GNAQ: variants seen among roughly 807,000 people sequenced by gnomAD.
GNAQ encodes G protein subunit alpha q, also known as guanine nucleotide-binding protein G(q) subunit alpha.
A neutral mutation model predicts 43.9 loss-of-function variants in GNAQ; 8 were observed. That is an observed-to-expected ratio of 0.18 (90% CI 0.11 to 0.33). The LOEUF (loss-of-function observed/expected upper bound fraction) is 0.33, where lower values mean the gene tolerates loss of function less well. Ranked by LOEUF, GNAQ falls within the 10% of genes least tolerant of loss-of-function variation. The pLI is 1.00. For synonymous variants in GNAQ, 155 were observed against 170.7 expected, an observed-to-expected ratio of 0.91 and a Z score of 0.71; for missense variants, 158 against 450.8, an observed-to-expected ratio of 0.35 and a Z score of 5.88.
intron 1 of GNAQ, among the ~76,000 whole-genome samples, chr9:77,994,602 C>T (rs1344473234): frequency 1.3e-5 from 2 of 152,060 alleles, no homozygotes; most frequent in Non-Finnish European, 2.9e-5. Context: ...ACTTATGATC[C>T]ACCTCAATCA....
chr9:77,895,357 T>C (rs868695093), intron 2 of GNAQ, among the ~76,000 whole-genome samples: 6 of 152,166 alleles, frequency 3.9e-5, no homozygotes, highest in African/African-American at 4.8e-5. Flanking sequence ...GCACACAGAA[T>C]GTAACTGATC....
At chr9:77,837,760 T>C (rs1165888443) in intron 2 of GNAQ, among the ~76,000 whole-genome samples, 2 of 152,168 alleles carry the variant, frequency 1.3e-5, no homozygotes, top group East Asian at 3.9e-4. Context: ...ACCTCTTTTA[T>C]TTTTAAATCT....
chr9:77,874,471 T>C (rs760096943), intron 2 of GNAQ, among the ~76,000 whole-genome samples: 2 of 152,296 alleles, frequency 1.3e-5, no homozygotes, highest in Middle Eastern at 3.4e-3. Context: ...AATTAGATAC[T>C]AGGAGCTTCA....
In GNAQ at chr9:77,911,063, C is replaced by G. The variant is rs144469428; in HGVS notation, c.321+11098G>C. On this transcript the variant is annotated intron_variant, in intron 2 of 6. Coordinates refer to ENST00000286548, the MANE Select transcript of GNAQ (RefSeq NM_002072.5). Reference sequence around the variant, plus strand: ...GTAATTAAGGCCCAATCTCTGCCCTCAAGTGTTAATTTTCTTCCTTTCATC... The same window carrying G: ...GTAATTAAGGCCCAATCTCTGCCCTGAAGTGTTAATTTTCTTCCTTTCATC... 8.9e-4 allele frequency among the ~76,000 whole-genome samples: 135 copies of G among 152,292 alleles called. 2 individuals are homozygous for G. The East Asian group carries it at 0.018, about 21-fold the overall frequency.
chr9:77,894,390 A>ATATATATATTATATAT (rs1564143611), intron 2 of GNAQ, among the ~76,000 whole-genome samples: 1 of 420 alleles, frequency 2.4e-3, no homozygotes, highest in Non-Finnish European at 7.0e-3. Flanking sequence ...TAATAGAAAA[A>ATATATATATTATATAT]AAATATATAT....
intron 2 of GNAQ, among the ~76,000 whole-genome samples, chr9:77,882,270 C>T (rs1345769819): frequency 1.3e-5 from 2 of 152,050 alleles, no homozygotes; most frequent in Non-Finnish European, 2.9e-5. Flanking sequence ...TTCTCTTTCC[C>T]CAAACATAGG....
intron 1 of GNAQ, among the ~76,000 whole-genome samples, chr9:77,962,051 T>C (rs1587432959): frequency 6.6e-6 from 1 of 151,018 alleles, no homozygotes; most frequent in Non-Finnish European, 1.5e-5. Context: ...ATACAACAGA[T>C]AGAAATAAGA....
intron 2 of GNAQ, among the ~76,000 whole-genome samples, chr9:77,882,855 C>A (rs373678342): frequency 2.6e-5 from 4 of 151,832 alleles, no homozygotes; most frequent in African/African-American, 9.7e-5. Context: ...AGATGAGATA[C>A]ACAGGAATAT....
chr9:77,790,333 C>T (rs576982455), intron 5 of GNAQ, among the ~76,000 whole-genome samples: 99 of 152,272 alleles, frequency 6.5e-4, no homozygotes, highest in South Asian at 5.0e-3. Context: ...GAAGAAAATT[C>T]CCAAAAGCTC....
chr9:77,954,358 A>G (rs1435247883), intron 1 of GNAQ, among the ~76,000 whole-genome samples: 1 of 152,376 alleles, frequency 6.6e-6, no homozygotes, highest in East Asian at 1.9e-4. Flanking sequence ...AAGCAAAAGA[A>G]GGTGTGCTAA....
At chr9:77,921,361 C>G (rs1161628352) in intron 2 of GNAQ, among the ~76,000 whole-genome samples, 4 of 152,232 alleles carry the variant, frequency 2.6e-5, no homozygotes, top group Admixed American at 2.6e-4. Context: ...TGTAGGACAA[C>G]TGCAGCATAA....
intron 3 of GNAQ, among the ~76,000 whole-genome samples, chr9:77,809,714 C>T (rs147387372): frequency 1.3e-5 from 2 of 152,300 alleles, no homozygotes; most frequent in East Asian, 3.9e-4. Flanking sequence ...CTCTGTGGTT[C>T]TATCATTGCT....
At chr9:77,957,633 T>C (rs752039198) in intron 1 of GNAQ, among the ~76,000 whole-genome samples, 3 of 151,744 alleles carry the variant, frequency 2.0e-5, no homozygotes, top group Non-Finnish European at 4.4e-5. Flanking sequence ...GTAATTTGAG[T>C]GAAAGAAAGG....
At chr9:77,760,759 G>T (rs1395276004) in intron 5 of GNAQ, among the ~76,000 whole-genome samples, 1 of 151,614 alleles carries the variant, frequency 6.6e-6, no homozygotes, top group African/African-American at 2.4e-5. Context: ...TCTAGGAAGT[G>T]AGGAGCGCCT....
At chr9:77,836,170 G>A (rs1050275387) in intron 2 of GNAQ, among the ~76,000 whole-genome samples, 2 of 151,940 alleles carry the variant, frequency 1.3e-5, no homozygotes, top group Non-Finnish European at 2.9e-5. Context: ...AGGCCTGCAA[G>A]CCTTCTCCTA....
chr9:77,761,128 C>T (rs1282326358), intron 5 of GNAQ, among the ~76,000 whole-genome samples: 8 of 151,604 alleles, frequency 5.3e-5, no homozygotes, highest in African/African-American at 1.9e-4. Context: ...GGGGTCAGCC[C>T]CCCGCCCGGC....
chr9:77,911,610 A>G (rs1295389965), intron 2 of GNAQ, among the ~76,000 whole-genome samples: 2 of 152,204 alleles, frequency 1.3e-5, no homozygotes, highest in Non-Finnish European at 1.5e-5. Context: ...AAACACAAAA[A>G]AAGAAAACCC....
intron 1 of GNAQ, among the ~76,000 whole-genome samples, chr9:77,969,645 A>G (rs1443733785): frequency 6.6e-6 from 1 of 152,238 alleles, no homozygotes; most frequent in Non-Finnish European, 1.5e-5. Flanking sequence ...AATCTTCAGT[A>G]GTTTGAAGAG....
intron 1 of GNAQ, among the ~76,000 whole-genome samples, chr9:77,986,038 A>G (rs1261174886): frequency 1.3e-5 from 2 of 152,186 alleles, no homozygotes; most frequent in Admixed American, 1.3e-4. Flanking sequence ...ACTAGAAAGT[A>G]CAATCCACCT....
Sources: gnomAD v4.1 joint callset for allele counts (sites outside exome capture counted in the v4.1 genomes callset) on GRCh38, gnomAD v4.1.1 for gene constraint, MANE v1.5 for transcripts, NCBI Gene and HGNC (gene_info 2026-07-23, HGNC 2026-07-21) for gene names.